The following NLRP14 variants were observed in gnomAD, a reference collection of about 807,000 sequenced individuals.
NLRP14 encodes the protein NACHT, LRR and PYD domains-containing protein 14.
In NLRP14, 105 loss-of-function variants were observed where a neutral mutation model predicts 94.7. That is an observed-to-expected ratio of 1.11 (90% confidence interval 0.95 to 1.30). The LOEUF is 1.30. Among genes scored for constraint, NLRP14 ranks in the 50% most tolerant of loss-of-function variants. The probability of loss-of-function intolerance (pLI) is 0.00; values close to 1 mark genes in which losing one functional copy is unlikely to be tolerated. For missense variants in NLRP14, 1,362 were observed against 1,254.1 expected, an observed-to-expected ratio of 1.09 and a Z score of -1.30; for synonymous variants, 508 against 459.9, an observed-to-expected ratio of 1.10 and a Z score of -1.34.
chr11:7,071,617 G>C (rs1420090656), downstream of NLRP14, among the ~76,000 whole-genome samples: 1 of 88,618 alleles, frequency 1.1e-5, no homozygotes, highest in Non-Finnish European at 2.5e-5. Context: ...GGGAAGATCA[G>C]TTAAAATGCC....
the NLRP14 span, chr11:7,089,334 A>AT: frequency 6.2e-7 from 1 of 1,608,140 alleles, no homozygotes; most frequent in Non-Finnish European, 8.5e-7. Flanking sequence ...CATGAACGGC[A>AT]AGTCCCTGGA....
chr11:7,039,527 T>C (rs1351656763), intron 2 of NLRP14, among the ~76,000 whole-genome samples, 187 bp from the exon 3 acceptor site: 2 of 152,150 alleles, frequency 1.3e-5, no homozygotes, highest in Non-Finnish European at 2.9e-5. Flanking sequence ...TTCAGTGTTA[T>C]CTGTATCACA....
chr11:7,039,809 G>T, intron 3 of NLRP14, 24 bp downstream of exon 3: 1 of 1,564,226 alleles, frequency 6.4e-7, no homozygotes, highest in Non-Finnish European at 8.8e-7. Flanking sequence ...CCTTTCATCA[G>T]ATTTGGGAGG....
rs1356566914 is a variant in NLRP14 at position 7,043,411 on chromosome 11, A to G, written c.1385A>G (p.Asp462Gly). ...LTQSDVSSFMDSNIIQKDAEY... is the reference protein window; with the variant it reads ...LTQSDVSSFMGSNIIQKDAEY... ...CAATCTGATGTCTCTAGTTTTATGG[A>G]CAGCAATATTATTCAGAAGGACGCA... The change falls in exon 4 of 12, where the codon GAC becomes GGC. Residue 462 changes from aspartate (D) to glycine (G), a missense_variant. Coordinates refer to ENST00000299481, the MANE Select transcript of NLRP14 (RefSeq NM_176822.4). The G allele has an allele frequency of 8.7e-6, 14 of 1,614,116 alleles. No homozygotes were observed. Among genetic ancestry groups the G allele is most frequent in the Non-Finnish European group, 1.0e-5 (12 of 1,179,968 alleles).
downstream of NLRP14, among the ~76,000 whole-genome samples, chr11:7,075,009 G>A (rs1479274895): frequency 2.0e-5 from 3 of 152,164 alleles, no homozygotes; most frequent in Non-Finnish European, 4.4e-5. Context: ...TAAGCTAGTT[G>A]TTGACATTAT....
intron 10 of NLRP14, among the ~76,000 whole-genome samples, chr11:7,063,590 T>A (rs1476546485): frequency 1.3e-5 from 2 of 152,006 alleles, no homozygotes; most frequent in African/African-American, 4.8e-5. Context: ...TGGAAGAATA[T>A]CTCCCCAAAA....
chr11:7,054,933 T>G (rs1409708164), intron 6 of NLRP14, among the ~76,000 whole-genome samples: 1 of 152,188 alleles, frequency 6.6e-6, no homozygotes, highest in African/African-American at 2.4e-5. Flanking sequence ...TTTAACAGTT[T>G]GAAGTCTTAG....
At position 7,020,660 on chromosome 11, in the gene NLRP14, C is replaced by T. The variant is rs537247030; in HGVS notation, c.-132C>T. 1 of 152,460 alleles carries T rather than the reference C, an allele frequency of 6.6e-6. No individual in the cohort carries two copies. Among genetic ancestry groups the T allele is most frequent in the African/African-American group, 2.4e-5 (1 of 41,600 alleles). The allele number at this position is 152,460 out of a possible 1,614,324, so 9.4% of individuals were successfully genotyped here. ...CCACCGCGACGACCCCGAGGAAACG[C>T]TGTCAGGTCGCCTTTGGTTGGCAAG... On this transcript the variant is annotated 5_prime_UTR_variant, in exon 1 of 12. Transcript: ENST00000299481.
intron 2 of NLRP14, among the ~76,000 whole-genome samples, chr11:7,039,499 T>C (rs1343005070): frequency 1.3e-5 from 2 of 152,112 alleles, no homozygotes; most frequent in African/African-American, 4.8e-5. Context: ...GTGGGGGCCA[T>C]GGCAAGAGGT....
chr11:7,064,139 G>A (rs945082810), intron 10 of NLRP14, among the ~76,000 whole-genome samples: 2 of 152,202 alleles, frequency 1.3e-5, no homozygotes, highest in Non-Finnish European at 2.9e-5. Flanking sequence ...ATTCTCATAC[G>A]TGGTATAGTC....
intron 1 of NLRP14, among the ~76,000 whole-genome samples, chr11:7,031,579 C>T (rs568772116): frequency 2.6e-5 from 4 of 152,086 alleles, no homozygotes; most frequent in African/African-American, 7.2e-5. Context: ...GTGCAGTGCC[C>T]GCTTCTTGAA....
chr11:7,045,965 T>C (rs1852342432), intron 4 of NLRP14, among the ~76,000 whole-genome samples: 1 of 152,154 alleles, frequency 6.6e-6, no homozygotes, highest in Non-Finnish European at 1.5e-5. Context: ...AGTGGCAGTG[T>C]TGAATTGGGA....
At chr11:7,070,254 T>C in intron 10 of NLRP14, 32 bp from the exon 11 acceptor site, 1 of 1,543,398 alleles carries the variant, frequency 6.5e-7, no homozygotes, top group Non-Finnish European at 8.9e-7. Flanking sequence ...TCGAATAAAT[T>C]CATTTTTATC....
chr11:7,070,931 C>T (rs1852785666), intron 11 of NLRP14, among the ~76,000 whole-genome samples: 1 of 152,004 alleles, frequency 6.6e-6, no homozygotes, highest in Non-Finnish European at 1.5e-5. Flanking sequence ...TTGGAGGATC[C>T]TTTTTAATTT....
chr11:7,028,058 C>T (rs1035539160), intron 1 of NLRP14, among the ~76,000 whole-genome samples: 5 of 152,082 alleles, frequency 3.3e-5, no homozygotes, highest in Non-Finnish European at 7.4e-5. Context: ...TATTCTCACT[C>T]CCGGAATGAT....
At chr11:7,073,415 G>A (rs1018061848), downstream of NLRP14, among the ~76,000 whole-genome samples, 2 of 152,152 alleles carry the variant, frequency 1.3e-5, no homozygotes, top group African/African-American at 4.8e-5. Flanking sequence ...TCACCAAAAT[G>A]TGTGGGTTTT....
intron 1 of NLRP14, among the ~76,000 whole-genome samples, chr11:7,035,205 A>G (rs960765170): frequency 1.3e-5 from 2 of 152,158 alleles, no homozygotes; most frequent in African/African-American, 4.8e-5. Flanking sequence ...CCTGAAGTCC[A>G]AGTTACTTGG....
chr11:7,068,110 A>G (rs1852733692), intron 10 of NLRP14, among the ~76,000 whole-genome samples: 1 of 152,060 alleles, frequency 6.6e-6, no homozygotes, highest in Admixed American at 6.6e-5. Flanking sequence ...TTAATCATCT[A>G]TAGTGATGTG....
chr11:7,070,952 C>G (rs758793051), intron 11 of NLRP14, among the ~76,000 whole-genome samples: 2 of 152,114 alleles, frequency 1.3e-5, no homozygotes, highest in African/African-American at 4.8e-5. Flanking sequence ...TAATTGGTTT[C>G]TCTTTCTCTT....
Sources: gnomAD v4.1 joint callset for allele counts (sites outside exome capture counted in the v4.1 genomes callset) on GRCh38, gnomAD v4.1.1 for gene constraint, MANE v1.5 for transcripts, NCBI Gene and HGNC (gene_info 2026-07-23, HGNC 2026-07-21) for gene names.